The following RP9 variants were observed in gnomAD, a reference collection of about 807,000 sequenced individuals.
RP9 encodes the protein RP9 pre-mRNA splicing factor.
In RP9, 23 loss-of-function variants were observed where a neutral mutation model predicts 32.6. That is an observed-to-expected ratio of 0.71 (90% CI 0.51 to 1.00). RP9 has a LOEUF of 1.00. Among genes scored for constraint, RP9 ranks in the 50% least tolerant of loss-of-function variants. The pLI is 0.00. For missense variants in RP9, 245 were observed against 285.3 expected, an observed-to-expected ratio of 0.86 and a Z score of 1.02; for synonymous variants, 94 against 103.6, an observed-to-expected ratio of 0.91 and a Z score of 0.56.
At chr7:33,103,603 C>G (rs1456170156) in intron 1 of RP9, among the ~76,000 whole-genome samples, 1 of 151,990 alleles carries the variant, frequency 6.6e-6, no homozygotes, top group African/African-American at 2.4e-5. Context: ...TCCTTGAAGC[C>G]AGGAGTTCGC....
At position 33,109,046 on chromosome 7, in the gene RP9, T is replaced by A. The variant is rs1175238298; in HGVS notation, c.152+175A>T. Among the ~76,000 whole-genome samples, 3 of 152,006 alleles carry A rather than the reference T, an allele frequency of 2.0e-5. No individual in the cohort carries two copies. Among genetic ancestry groups the A allele is most frequent in the Non-Finnish European group, 2.9e-5 (2 of 67,976 alleles). ...CCCCGCCAGGAGGATGGACTTCAAG[T>A]CCTTGACCGCGGCGCCCGACATCGG... is the stretch of plus-strand genomic sequence containing the variant. On this transcript the variant is annotated intron_variant, in intron 1 of 5. Coordinates refer to ENST00000297157, the MANE Select transcript of RP9 (RefSeq NM_203288.2). This position sits in a 1 kb window ranked among gnomAD's most constrained non-coding sequence, Gnocchi z 4.9.
chr7:33,101,095 C>T (rs1788417551), intron 1 of RP9, among the ~76,000 whole-genome samples: 1 of 151,984 alleles, frequency 6.6e-6, no homozygotes, highest in Admixed American at 6.6e-5. Context: ...ACCTCAGCCT[C>T]CTGAGTAGCT....
chr7:33,107,177 G>A (rs1291692020), intron 1 of RP9, among the ~76,000 whole-genome samples: 1 of 152,114 alleles, frequency 6.6e-6, no homozygotes, highest in African/African-American at 2.4e-5. Flanking sequence ...TTCTGAACTG[G>A]CCAAAGCAAA....
chr7:33,109,367 C>A lies in RP9; in HGVS notation c.6G>T (p.Ser2=), dbSNP rs1454107910. M[S]SRPGREDVGA... is the part of the protein sequence containing the mutation. ...CCACGTCCTCGCGCCCAGGCCGGGACGACATGTCAGCCCCCGCAGCGCCGC... is the reference window on the plus strand; with the variant it reads ...CCACGTCCTCGCGCCCAGGCCGGGAAGACATGTCAGCCCCCGCAGCGCCGC... The change falls in exon 1 of 6, where the codon TCG becomes TCT. Residue 2 remains serine (S), a synonymous_variant. Transcript: ENST00000297157. This position sits in a 1 kb window ranked among gnomAD's most constrained non-coding sequence, Gnocchi z 4.9. The A allele has an allele frequency of 2.1e-6, 3 of 1,407,518 alleles. No homozygotes were observed. In the East Asian group the frequency reaches 1.0e-4, roughly 47 times the overall value. The allele number at this position is 1,407,518 out of a possible 1,614,324, so 87.2% of individuals were successfully genotyped here.
In RP9 at chr7:33,095,549, ACAGT is replaced by A. The variant is rs1372799505; in HGVS notation, c.468-121_468-118del. Reference sequence around the variant, plus strand: ...GATGATGAATAACCATGTCACAAAGACAGTATTTTTATTTTTACCTGTTTTCTCA... The same window carrying A: ...GATGATGAATAACCATGTCACAAAGAATTTTTATTTTTACCTGTTTTCTCA... On this transcript the variant is annotated intron_variant, in intron 5 of 5. Transcript: ENST00000297157. 5 of 1,511,950 alleles carry A rather than the reference ACAGT, an allele frequency of 3.3e-6. No homozygotes were observed. In the African/African-American group the frequency reaches 4.2e-5, roughly 13 times the overall value. 93.7% of individuals were successfully genotyped at this position (1,511,950 alleles called of 1,614,324 possible).
chr7:33,100,495 T>C, intron 2 of RP9, 36 bp downstream of exon 2: 1 of 1,572,102 alleles, frequency 6.4e-7, no homozygotes, highest in Non-Finnish European at 8.8e-7. Context: ...CAAGTATGTC[T>C]TGTGGAATAA....
intron 1 of RP9, chr7:33,100,816 A>G: frequency 1.6e-6 from 1 of 639,132 alleles, no homozygotes; most frequent in South Asian, 1.6e-5. Flanking sequence ...GGAGACCCAG[A>G]ATGCTGAGCA....
At position 33,095,086 on chromosome 7, in the gene RP9, C is replaced by T. The variant is rs1229236590; in HGVS notation, c.*148G>A. ...GACACTCCCTCTCCTGGGGTCACAT[C>T]TTCACTGCAAGGCGGGTGGGAGCTC... On this transcript the variant is annotated 3_prime_UTR_variant, in exon 6 of 6. Coordinates refer to ENST00000297157, the MANE Select transcript of RP9 (RefSeq NM_203288.2). 2 of 671,178 alleles carry T rather than the reference C, an allele frequency of 3.0e-6. No homozygotes were observed. Among genetic ancestry groups the T allele is most frequent in the Non-Finnish European group, 5.3e-6 (2 of 376,966 alleles). The allele number at this position is 671,178 out of a possible 1,614,324, so 41.6% of individuals were successfully genotyped here. A position where few individuals can be genotyped will look rare whatever the true frequency, so the allele number is the denominator to read the frequency against.
At chr7:33,103,990 T>G (rs1788464525) in intron 1 of RP9, among the ~76,000 whole-genome samples, 1 of 152,082 alleles carries the variant, frequency 6.6e-6, no homozygotes, top group Admixed American at 6.6e-5. Flanking sequence ...AGTATCCTCA[T>G]AGATGAGTGA....
At chr7:33,107,556 G>A (rs1788516254) in intron 1 of RP9, among the ~76,000 whole-genome samples, 1 of 152,154 alleles carries the variant, frequency 6.6e-6, no homozygotes, top group Admixed American at 6.5e-5. Flanking sequence ...GGCCAGGACT[G>A]CCCTGTAACA....
In RP9 at chr7:33,109,306, C is replaced by T; in HGVS notation, c.67G>A (p.Glu23Lys). 6.8e-7 allele frequency: 1 copy of T among 1,471,680 alleles called. No individual in the cohort carries two copies. Among genetic ancestry groups the T allele is most frequent in the Middle Eastern group, 2.4e-4 (1 of 4,138 alleles). 91.2% of individuals were successfully genotyped at this position (1,471,680 alleles called of 1,614,324 possible). A position where few individuals can be genotyped will look rare whatever the true frequency, so the allele number is the denominator to read the frequency against. ...AGARRPREPPEQELQRRREQK... is the reference protein window; with the variant it reads ...AGARRPREPPKQELQRRREQK... ...TCCCGACGTCGCTGCAGCTCCTGCT[C>T]CGGCGGCTCACGCGGCCGCCGCGCG... The change falls in exon 1 of 6, where the codon GAG (glutamate) becomes AAG (lysine). Residue 23 changes from glutamate (E) to lysine (K), a missense_variant. This residue lies in a region of RP9 where 182 missense variants were observed against 175.5 expected (regional missense o/e 1.04). Coordinates refer to ENST00000297157, the MANE Select transcript of RP9 (RefSeq NM_203288.2). This position sits in a 1 kb window ranked among gnomAD's most constrained non-coding sequence, Gnocchi z 4.9.
chr7:33,100,338 TG>T (rs1471728940), intron 2 of RP9, 192 bp downstream of exon 2: 2 of 648,016 alleles, frequency 3.1e-6, no homozygotes, highest in African/African-American at 3.7e-5. Flanking sequence ...AAGGGAAACA[TG>T]GCTGATGAAA....
chr7:33,100,346 G>T, intron 2 of RP9, 185 bp downstream of exon 2: 1 of 659,664 alleles, frequency 1.5e-6, no homozygotes. Flanking sequence ...CATGGCTGAT[G>T]AAATTTCTGC....
At chr7:33,099,156 G>T in intron 3 of RP9, 151 bp downstream of exon 3, 2 of 852,524 alleles carry the variant, frequency 2.3e-6, no homozygotes, top group Non-Finnish European at 3.9e-6. Flanking sequence ...GTGGTGGGGG[G>T]TGGGGTGGAT....
In RP9 at chr7:33,100,471, A is replaced by C. The variant is rs541611875; in HGVS notation, c.183+60T>G. On this transcript the variant is annotated intron_variant, in intron 2 of 5. Transcript: ENST00000297157. The stretch of plus-strand genomic sequence containing the variant: ...CATCATGCAATTATTTTTCATAACA[A>C]GTTACTGAGTCTACAAGTATGTCTT... The C allele has an allele frequency of 3.3e-5, 44 of 1,350,236 alleles. No individual in the cohort carries two copies. The African/African-American group carries it at 6.0e-4, about 18-fold the overall frequency. 83.6% of individuals were successfully genotyped at this position (1,350,236 alleles called of 1,614,324 possible). A position where few individuals can be genotyped will look rare whatever the true frequency, so the allele number is the denominator to read the frequency against.
intron 1 of RP9, among the ~76,000 whole-genome samples, chr7:33,106,897 T>C (rs1293847849): frequency 1.3e-5 from 2 of 151,818 alleles, no homozygotes; most frequent in Middle Eastern, 3.4e-3. Context: ...TGAGCCAAGA[T>C]TGCACCACTG....
intron 1 of RP9, among the ~76,000 whole-genome samples, chr7:33,102,768 C>T (rs1043845355): frequency 6.6e-5 from 10 of 152,208 alleles, no homozygotes; most frequent in Non-Finnish European, 1.5e-4. Flanking sequence ...CAAGGGGCTG[C>T]GTGGCAGAGG....
intron 1 of RP9, among the ~76,000 whole-genome samples, chr7:33,108,677 C>T (rs1451552725): frequency 6.6e-6 from 1 of 152,194 alleles, no homozygotes; most frequent in Non-Finnish European, 1.5e-5. Context: ...CCATACATTT[C>T]CCCCATCACC....
chr7:33,100,829 C>A (rs116003486), intron 1 of RP9: 4 of 614,294 alleles, frequency 6.5e-6, no homozygotes, highest in Non-Finnish European at 1.2e-5. Flanking sequence ...GCTGAGCACG[C>A]AAGTCTCCAG....
Sources: gnomAD v4.1 joint callset for allele counts (sites outside exome capture counted in the v4.1 genomes callset) on GRCh38, gnomAD v4.1.1 for gene constraint, gnomAD v4.1.1 regional missense constraint, Gnocchi (gnomAD v3.1) non-coding constraint, MANE v1.5 for transcripts, NCBI Gene and HGNC (gene_info 2026-07-23, HGNC 2026-07-21) for gene names.